Variants in CPS1 observed in about 807,000 individuals in gnomAD.
The protein encoded by CPS1 is carbamoyl-phosphate synthase [ammonia], mitochondrial.
A neutral mutation model predicts 174.6 loss-of-function variants in CPS1; 109 were observed. The ratio of observed to expected loss-of-function variants is 0.62; its 90% CI spans 0.53 to 0.73. CPS1 has a LOEUF of 0.73. CPS1 is among the 30% of genes least tolerant of loss of function. The pLI, the probability that CPS1 is intolerant of heterozygous loss-of-function variation, is 0.00. For synonymous variants in CPS1, 637 were observed against 632.0 expected (o/e 1.01, Z -0.12); for missense variants, 1,689 against 1,821.9 (o/e 0.93, Z 1.33).
chr2:210,507,123 G>A (rs1695308877), intron 1 of CPS1, among the ~76,000 whole-genome samples: 1 of 152,208 alleles, frequency 6.6e-6, no homozygotes, highest in East Asian at 1.9e-4. Flanking sequence ...AGGGCAGCCA[G>A]AGAGAAAGGT....
intron 1 of CPS1, among the ~76,000 whole-genome samples, chr2:210,485,182 A>T (rs1694681431): frequency 6.6e-6 from 1 of 151,868 alleles, no homozygotes; most frequent in Non-Finnish European, 1.5e-5. Context: ...CAGTGAGCCA[A>T]GATGGTGCCA....
chr2:210,657,904 A>G (rs1285691298), intron 30 of CPS1, among the ~76,000 whole-genome samples: 2 of 152,252 alleles, frequency 1.3e-5, no homozygotes, highest in Non-Finnish European at 2.9e-5. Context: ...AGGATTTTCC[A>G]AATCTCTCAG....
At chr2:210,490,554 A>T (rs1694849530) in intron 1 of CPS1, among the ~76,000 whole-genome samples, 1 of 152,238 alleles carries the variant, frequency 6.6e-6, no homozygotes, top group Non-Finnish European at 1.5e-5. Flanking sequence ...TTGCACCTAT[A>T]AAGAGAGGAG....
chr2:210,523,180 TGTTTTTTCTG>T (rs1695873982), intron 1 of CPS1, among the ~76,000 whole-genome samples: 1 of 152,030 alleles, frequency 6.6e-6, no homozygotes, highest in African/African-American at 2.4e-5. Flanking sequence ...AAGTTCTTTA[TGTTTTTTCTG>T]GACCTCACTG....
At chr2:210,628,202 A>C (rs1160444362) in intron 21 of CPS1, among the ~76,000 whole-genome samples, 2 of 152,168 alleles carry the variant, frequency 1.3e-5, no homozygotes, top group Non-Finnish European at 2.9e-5. Flanking sequence ...TGATAAACTG[A>C]CAAGTATACA....
chr2:210,482,007 T>A (rs966438260), intron 1 of CPS1, among the ~76,000 whole-genome samples: 7 of 152,154 alleles, frequency 4.6e-5, no homozygotes, highest in Non-Finnish European at 1.0e-4. Flanking sequence ...TTCTTATACA[T>A]CATCACAACA....
intron 35 of CPS1, 118 bp downstream of exon 35, chr2:210,675,079 T>A: frequency 1.2e-6 from 1 of 814,088 alleles, no homozygotes; most frequent in Non-Finnish European, 2.1e-6. Flanking sequence ...ATGAAAGGTT[T>A]AACTAACTTG....
intron 21 of CPS1, among the ~76,000 whole-genome samples, chr2:210,625,417 C>G (rs752704026): frequency 1.3e-5 from 2 of 151,966 alleles, no homozygotes; most frequent in Non-Finnish European, 2.9e-5. Context: ...AACAAAAGCT[C>G]TTAGCTAACT....
chr2:210,505,903 G>A (rs1358784897), intron 1 of CPS1, among the ~76,000 whole-genome samples: 1 of 152,220 alleles, frequency 6.6e-6, no homozygotes, highest in African/African-American at 2.4e-5. Context: ...CTCGAACTGG[G>A]TGGAGCCCAC....
At chr2:210,584,288 G>T (rs779979864) in intron 6 of CPS1, among the ~76,000 whole-genome samples, 1 of 152,028 alleles carries the variant, frequency 6.6e-6, no homozygotes, top group Non-Finnish European at 1.5e-5. Flanking sequence ...CTACCTTGGG[G>T]TTTATTTATA....
At chr2:210,676,878 G>A (rs1701552829) in intron 36 of CPS1, 129 bp from the exon 37 acceptor site, 2 of 790,494 alleles carry the variant, frequency 2.5e-6, no homozygotes, top group Non-Finnish European at 4.4e-6. Context: ...TAGCAATAGA[G>A]GAGGGCAGAT....
intron 14 of CPS1, among the ~76,000 whole-genome samples, chr2:210,599,981 C>T (rs1285328673): frequency 6.6e-6 from 1 of 151,902 alleles, no homozygotes; most frequent in Non-Finnish European, 1.5e-5. Flanking sequence ...AGTCTTTCTA[C>T]TATTACTTCA....
intron 34 of CPS1, chr2:210,674,486 A>G (rs1432002128): frequency 2.6e-5 from 4 of 154,514 alleles, no homozygotes; most frequent in African/African-American, 9.9e-5. Flanking sequence ...AAAAAAACCA[A>G]AAAAAAAAAA....
chr2:210,505,419 C>T (rs781400116), intron 1 of CPS1, among the ~76,000 whole-genome samples: 1 of 151,836 alleles, frequency 6.6e-6, no homozygotes, highest in African/African-American at 2.4e-5. Context: ...ACAGCAGAAT[C>T]GGGCCAAATA....
At chr2:210,524,969 T>C (rs1171801487) in intron 1 of CPS1, among the ~76,000 whole-genome samples, 2 of 151,986 alleles carry the variant, frequency 1.3e-5, no homozygotes, top group Non-Finnish European at 2.9e-5. Flanking sequence ...CAATCTCTAT[T>C]AATTCCAATT....
At chr2:210,551,845 A>G (rs577111220), upstream of CPS1, among the ~76,000 whole-genome samples, 1 of 152,130 alleles carries the variant, frequency 6.6e-6, no homozygotes, top group Non-Finnish European at 1.5e-5. Context: ...ATCTAACAAC[A>G]TGATATCTGT....
rs1389838311 is a variant in CPS1 at position 210,576,497 on chromosome 2, C to T, written c.381+7C>T. 2 of 1,613,210 alleles carry T rather than the reference C, an allele frequency of 1.2e-6. No homozygotes were observed. Among genetic ancestry groups the T allele is most frequent in the East Asian group, 2.2e-5 (1 of 44,830 alleles). On this transcript the variant is annotated splice_region_variant and intron_variant, in intron 3 of 37. Coordinates refer to ENST00000233072, the MANE Select transcript of CPS1 (RefSeq NM_001875.5). The stretch of plus-strand genomic sequence containing the variant: ...GGAGTCTAATGGAATCAAGGTAGTA[C>T]CAGTGGTGGCCATTTAAAAAGTCTC...
At chr2:210,579,636 C>A in intron 4 of CPS1, 78 bp from the exon 5 acceptor site, 1 of 1,152,408 alleles carries the variant, frequency 8.7e-7, no homozygotes. Context: ...ATAGATGAGG[C>A]CAAGTTTGTA....
intron 21 of CPS1, among the ~76,000 whole-genome samples, chr2:210,633,053 AC>A (rs951410566): frequency 2.6e-5 from 4 of 152,202 alleles, no homozygotes; most frequent in African/African-American, 9.7e-5. Context: ...CTAGCTTGAT[AC>A]ATCTGTTTCA....
Sources: gnomAD v4.1 joint callset for allele counts (sites outside exome capture counted in the v4.1 genomes callset) on GRCh38, gnomAD v4.1.1 for gene constraint, MANE v1.5 for transcripts, NCBI Gene and HGNC (gene_info 2026-07-23, HGNC 2026-07-21) for gene names.